The following EEPD1 variants were observed in gnomAD, a reference collection of about 807,000 sequenced individuals.
The protein encoded by EEPD1 is endonuclease/exonuclease/phosphatase family domain-containing protein 1.
A neutral mutation model predicts 46.3 loss-of-function variants in EEPD1; 17 were observed. The observed-to-expected ratio is 0.37, with a 90% CI of 0.25 to 0.55. The LOEUF (loss-of-function observed/expected upper bound fraction) is 0.55. EEPD1 is among the 20% of genes least tolerant of loss of function. The pLI is 0.83. For missense variants in EEPD1, 673 were observed against 745.6 expected, an observed-to-expected ratio of 0.90 and a Z score of 1.13; for synonymous variants, 313 against 315.6, an observed-to-expected ratio of 0.99 and a Z score of 0.09.
intron 2 of EEPD1, among the ~76,000 whole-genome samples, chr7:36,215,912 T>C (rs1230202764): frequency 6.6e-6 from 1 of 152,258 alleles, no homozygotes; most frequent in Non-Finnish European, 1.5e-5. Context: ...TCTTCCTTTT[T>C]AGCCAAAGAC....
At chr7:36,251,298 GTTTCTTTC>G (rs372389551) in intron 3 of EEPD1, among the ~76,000 whole-genome samples, 45 of 151,684 alleles carry the variant, frequency 3.0e-4, no homozygotes, top group Non-Finnish European at 3.7e-4. Context: ...CTACTGGTAG[GTTTCTTTC>G]TTTCTTTCTT....
intron 3 of EEPD1, among the ~76,000 whole-genome samples, chr7:36,250,384 A>G (rs1184304996): frequency 6.6e-6 from 1 of 152,210 alleles, no homozygotes; most frequent in Non-Finnish European, 1.5e-5. Flanking sequence ...GCACAAGGCT[A>G]GAAGGGTGGA....
At chr7:36,207,144 G>A (rs1288536000) in intron 2 of EEPD1, among the ~76,000 whole-genome samples, 2 of 152,178 alleles carry the variant, frequency 1.3e-5, no homozygotes, top group Non-Finnish European at 2.9e-5. Flanking sequence ...TCTGCCAGGT[G>A]CTAGGCCCTA....
At chr7:36,224,915 C>T (rs879732345) in intron 2 of EEPD1, among the ~76,000 whole-genome samples, 1 of 151,768 alleles carries the variant, frequency 6.6e-6, no homozygotes, top group Non-Finnish European at 1.5e-5. Flanking sequence ...CTATGTGGGC[C>T]CTAATTGCAA....
At chr7:36,253,351 G>T (rs571663042) in intron 3 of EEPD1, among the ~76,000 whole-genome samples, 2 of 152,190 alleles carry the variant, frequency 1.3e-5, no homozygotes, top group East Asian at 3.9e-4. Context: ...GGCATGTTAG[G>T]GACAGCCTAA....
intron 3 of EEPD1, among the ~76,000 whole-genome samples, chr7:36,245,980 A>T (rs902492227): frequency 6.6e-6 from 1 of 152,244 alleles, no homozygotes; most frequent in Non-Finnish European, 1.5e-5. Flanking sequence ...GTGGCATTTC[A>T]TAAAAGGAAA....
At chr7:36,208,668 C>G (rs1273778296) in intron 2 of EEPD1, among the ~76,000 whole-genome samples, 2 of 152,170 alleles carry the variant, frequency 1.3e-5, no homozygotes, top group Admixed American at 1.3e-4. Flanking sequence ...CTGAGACACA[C>G]TTGGTTTAGA....
intron 3 of EEPD1, among the ~76,000 whole-genome samples, chr7:36,247,379 G>A (rs572627868): frequency 1.3e-5 from 2 of 152,258 alleles, no homozygotes; most frequent in South Asian, 2.1e-4. Context: ...CTCTTATTAC[G>A]TGCTTTTGGA....
intron 2 of EEPD1, among the ~76,000 whole-genome samples, chr7:36,156,605 C>T (rs1784829009): frequency 6.6e-6 from 1 of 152,106 alleles, no homozygotes; most frequent in South Asian, 2.1e-4. Flanking sequence ...TCTAGTGGCT[C>T]AATTTGGGAG....
intron 2 of EEPD1, among the ~76,000 whole-genome samples, chr7:36,232,384 G>A (rs1280985224): frequency 1.3e-5 from 2 of 151,326 alleles, no homozygotes; most frequent in Non-Finnish European, 2.9e-5. Context: ...TTTTGTATTT[G>A]TAGAAGAGAC....
chr7:36,225,953 TGCTCAAGAGTTAAAACAGA>T lies in EEPD1; in HGVS notation c.879-13021_879-13003del, dbSNP rs1218910756. 6.6e-6 allele frequency among the ~76,000 whole-genome samples: 1 copy of T among 152,232 alleles called. No homozygotes were observed. Among genetic ancestry groups the T allele is most frequent in the Non-Finnish European group, 1.5e-5 (1 of 68,034 alleles). ...ATTCATTTTAAAGACATGTCTTAGATGCTCAAGAGTTAAAACAGAGCTCAAGAGTAGCTAACATAAGCAC... is the reference window on the plus strand; with the variant it reads ...ATTCATTTTAAAGACATGTCTTAGATGCTCAAGAGTAGCTAACATAAGCAC... On this transcript the variant is annotated intron_variant, in intron 2 of 7. Transcript: ENST00000242108. This position sits in a 1 kb window ranked among gnomAD's most constrained non-coding sequence, Gnocchi z 4.2.
At chr7:36,163,675 C>T (rs557117328) in intron 2 of EEPD1, among the ~76,000 whole-genome samples, 1 of 152,026 alleles carries the variant, frequency 6.6e-6, no homozygotes, top group African/African-American at 2.4e-5. Context: ...GTCAGGAGAT[C>T]GAGACCATCT....
At chr7:36,171,382 G>A (rs1194492669) in intron 2 of EEPD1, among the ~76,000 whole-genome samples, 1 of 152,168 alleles carries the variant, frequency 6.6e-6, no homozygotes, top group African/African-American at 2.4e-5. Context: ...AACATATATG[G>A]TGACTCTAAA....
At chr7:36,191,683 G>T (rs1240683784) in intron 2 of EEPD1, among the ~76,000 whole-genome samples, 1 of 152,234 alleles carries the variant, frequency 6.6e-6, no homozygotes, top group African/African-American at 2.4e-5. Flanking sequence ...CAGCTGCCTG[G>T]TGTGTTATAG....
In EEPD1 at chr7:36,256,140, T is replaced by C. The variant is rs575781900; in HGVS notation, c.930+17104T>C. On this transcript the variant is annotated intron_variant, in intron 3 of 7. Coordinates refer to ENST00000242108, the MANE Select transcript of EEPD1 (RefSeq NM_030636.3). Reference sequence around the variant, plus strand: ...TCCCATGTAGCTGTGTGGTTTTGTGTGAGTTTCTTAATCCTGAGTTCTAAT... The same window carrying C: ...TCCCATGTAGCTGTGTGGTTTTGTGCGAGTTTCTTAATCCTGAGTTCTAAT... Among the ~76,000 whole-genome samples, 26 of 152,356 alleles carry C rather than the reference T, an allele frequency of 1.7e-4. No homozygotes were observed. The South Asian group carries it at 5.0e-3, about 29-fold the overall frequency.
chr7:36,216,438 G>A (rs534243672), intron 2 of EEPD1, among the ~76,000 whole-genome samples: 2 of 152,200 alleles, frequency 1.3e-5, no homozygotes, highest in Non-Finnish European at 2.9e-5. Context: ...TATTGGATTG[G>A]TAAGGATTTT....
chr7:36,183,621 G>A (rs1785311292), intron 2 of EEPD1, among the ~76,000 whole-genome samples: 2 of 152,122 alleles, frequency 1.3e-5, no homozygotes, highest in African/African-American at 4.8e-5. Context: ...TTCTGCTTTG[G>A]CTGTCTTAAA....
chr7:36,234,380 G>A (rs951729723), intron 2 of EEPD1, among the ~76,000 whole-genome samples: 4 of 152,138 alleles, frequency 2.6e-5, no homozygotes, highest in African/African-American at 9.7e-5. Context: ...CTTAAAAATT[G>A]CCTAATTCTG....
intron 2 of EEPD1, among the ~76,000 whole-genome samples, chr7:36,197,382 T>G (rs1785623555): frequency 6.6e-6 from 1 of 152,052 alleles, no homozygotes; most frequent in Non-Finnish European, 1.5e-5. Context: ...GAGGAGCCCC[T>G]CTGCCCGGCC....
Sources: gnomAD v4.1 joint callset for allele counts (sites outside exome capture counted in the v4.1 genomes callset) on GRCh38, gnomAD v4.1.1 for gene constraint, Gnocchi (gnomAD v3.1) non-coding constraint, MANE v1.5 for transcripts, NCBI Gene and HGNC (gene_info 2026-07-23, HGNC 2026-07-21) for gene names.